The following ARMC2 variants were observed in gnomAD, a reference collection of about 807,000 sequenced individuals.
ARMC2 encodes armadillo repeat-containing protein 2.
A neutral mutation model predicts 90.3 loss-of-function variants in ARMC2; 67 were observed. The ratio of observed to expected loss-of-function variants is 0.74; its 90% confidence interval spans 0.61 to 0.91. The LOEUF is 0.91. ARMC2 is among the 40% of genes least tolerant of loss of function. The pLI is 0.00. For synonymous variants in ARMC2, 393 were observed against 393.0 expected, an observed-to-expected ratio of 1.00 and a Z score of 0.00; for missense variants, 920 against 1,030.9, an observed-to-expected ratio of 0.89 and a Z score of 1.47.
rs566091367 is a variant in ARMC2, at chr6:108,859,308, A to G, written c.291+1037A>G. Among the ~76,000 whole-genome samples, 7 of 152,140 alleles carry G rather than the reference A, an allele frequency of 4.6e-5. No homozygotes were observed. In the South Asian group the frequency reaches 1.5e-3, roughly 32 times the overall value. ...CAGCTCTCCTGGGGTGCCCCTCACC[A>G]TCCTCCTGGGGAGACGGCTTCTCCT... On this transcript the variant is annotated intron_variant, in intron 3 of 17. Transcript: ENST00000392644.
chr6:109,016,151 C>T, the ARMC2 span, among the ~76,000 whole-genome samples: 1 of 152,292 alleles, frequency 6.6e-6, no homozygotes, highest in Admixed American at 6.5e-5. Context: ...ATTAATGAGT[C>T]ATTAGCTTAA....
rs1036471322 is a variant in ARMC2, at chr6:108,974,226, C to T, written c.*712C>T. The T allele has an allele frequency of 3.3e-5, 5 of 152,178 alleles. No homozygotes were observed. The highest frequency in any genetic ancestry group is 1.2e-4 in the African/African-American group (5 of 41,422). 9.4% of individuals were successfully genotyped at this position (152,178 alleles called of 1,614,324 possible). A position where few individuals can be genotyped will look rare whatever the true frequency, so the allele number is the denominator to read the frequency against. Reference sequence around the variant, plus strand: ...GTGAATGGTATACCTGAATCTGAATCCATGCTCTCCCCTGCTAGCTTTGTG... The same window carrying T: ...GTGAATGGTATACCTGAATCTGAATTCATGCTCTCCCCTGCTAGCTTTGTG... On this transcript the variant is annotated 3_prime_UTR_variant, in exon 18 of 18. Coordinates refer to ENST00000392644, the MANE Select transcript of ARMC2 (RefSeq NM_032131.6).
chr6:108,932,945 A>G (rs1775694948), intron 11 of ARMC2, among the ~76,000 whole-genome samples: 1 of 152,144 alleles, frequency 6.6e-6, no homozygotes, highest in East Asian at 1.9e-4. Flanking sequence ...TACCAGTACC[A>G]TGCTGTTTTG....
chr6:108,922,755 G>T (rs928931453), intron 10 of ARMC2, among the ~76,000 whole-genome samples: 6 of 152,196 alleles, frequency 3.9e-5, no homozygotes, highest in African/African-American at 1.4e-4. Flanking sequence ...CTGACTGAGG[G>T]TGGTACCTGT....
intron 13 of ARMC2, among the ~76,000 whole-genome samples, chr6:108,961,303 A>C (rs939329761): frequency 6.6e-6 from 1 of 152,180 alleles, no homozygotes; most frequent in African/African-American, 2.4e-5. Context: ...CAGGTCCCAG[A>C]TCAGCTGGAC....
intron 8 of ARMC2, among the ~76,000 whole-genome samples, chr6:108,906,323 C>G (rs1246330190): frequency 6.6e-6 from 1 of 151,976 alleles, no homozygotes; most frequent in Non-Finnish European, 1.5e-5. Flanking sequence ...TACCAATTAC[C>G]AACTGTGATG....
At chr6:108,869,102 A>G (rs572104744) in intron 4 of ARMC2, 107 bp downstream of exon 4, 10 of 1,191,796 alleles carry the variant, frequency 8.4e-6, no homozygotes, top group Non-Finnish European at 1.1e-5. Flanking sequence ...TGATTTTTAT[A>G]TTAACTAAGA....
At chr6:108,932,807 C>A (rs910366346) in intron 11 of ARMC2, among the ~76,000 whole-genome samples, 1 of 152,054 alleles carries the variant, frequency 6.6e-6, no homozygotes, top group African/African-American at 2.4e-5. Flanking sequence ...GGATTACAGG[C>A]GTGAGCCACT....
intron 3 of ARMC2, among the ~76,000 whole-genome samples, chr6:108,858,501 T>A (rs1001771929): frequency 1.3e-5 from 2 of 151,944 alleles, no homozygotes; most frequent in African/African-American, 4.8e-5. Flanking sequence ...GAAGAATTTT[T>A]AAAATATATA....
the ARMC2 span, among the ~76,000 whole-genome samples, chr6:109,009,917 G>A: frequency 1.7e-4 from 26 of 152,030 alleles, no homozygotes; most frequent in Non-Finnish European, 3.4e-4. Flanking sequence ...CCTCGAGACT[G>A]ATTCTGACAG....
At position 108,953,045 on chromosome 6, in the gene ARMC2, C is replaced by A. The variant is rs773911119; in HGVS notation, c.1609C>A (p.Arg537Ser). The change falls in exon 13 of 18, where the codon CGT (arginine) becomes AGT (serine). Residue 537 changes from arginine (R) to serine (S), a missense_variant. Physicochemically the swap from Arg to Ser is moderately radical, Grantham distance 110. Transcript: ENST00000392644. ...TCGTTTATTGCAGGATTTAGTCGTC[C>A]GTGTTGTTTTTATTCTTGGCAACCT... ...KYQKKQDLVV[R>S]VVFILGNLTA... The A allele has an allele frequency of 6.2e-7, 1 of 1,609,364 alleles. No homozygotes were observed. Among genetic ancestry groups the A allele is most frequent in the Non-Finnish European group, 8.5e-7 (1 of 1,177,496 alleles).
At chr6:108,937,833 T>C (rs1361476436) in intron 12 of ARMC2, among the ~76,000 whole-genome samples, 1 of 152,148 alleles carries the variant, frequency 6.6e-6, no homozygotes, top group Non-Finnish European at 1.5e-5. Context: ...TAGCTGGGAC[T>C]ACAGGCGTGC....
At chr6:108,932,364 G>C (rs1480322226) in intron 11 of ARMC2, among the ~76,000 whole-genome samples, 1 of 151,644 alleles carries the variant, frequency 6.6e-6, no homozygotes, top group Non-Finnish European at 1.5e-5. Flanking sequence ...GGTCTTCATA[G>C]TTTTGGGTTT....
At chr6:108,981,564 C>T in the ARMC2 span, among the ~76,000 whole-genome samples, 2 of 152,052 alleles carry the variant, frequency 1.3e-5, no homozygotes, top group African/African-American at 4.8e-5. Flanking sequence ...TAAGTGGAGC[C>T]ATACAATAGT....
At position 108,880,405 on chromosome 6, in the gene ARMC2, T is replaced by C. The variant is rs144525585; in HGVS notation, c.671+4055T>C. 648 of 160,872 alleles carry C rather than the reference T, an allele frequency of 4.0e-3. 3 individuals are homozygous for C. The highest frequency in any genetic ancestry group is 0.014 in the African/African-American group (600 of 41,656). The allele number at this position is 160,872 out of a possible 1,614,324, so 10.0% of individuals were successfully genotyped here. Reference sequence around the variant, plus strand: ...TCCAAGCCAGGCCAGTTGCATTCCTTCATGGGACTTTCACCAAGGCCTTTG... The same window carrying C: ...TCCAAGCCAGGCCAGTTGCATTCCTCCATGGGACTTTCACCAAGGCCTTTG... On this transcript the variant is annotated intron_variant, in intron 5 of 17. Coordinates refer to ENST00000392644, the MANE Select transcript of ARMC2 (RefSeq NM_032131.6).
At chr6:109,005,095 C>G in the ARMC2 span, among the ~76,000 whole-genome samples, 1 of 152,188 alleles carries the variant, frequency 6.6e-6, no homozygotes, top group African/African-American at 2.4e-5. Context: ...GATGTGCTCA[C>G]ATTTGTGAAA....
chr6:109,040,541 C>T, the ARMC2 span, among the ~76,000 whole-genome samples: 1 of 152,004 alleles, frequency 6.6e-6, no homozygotes, highest in Non-Finnish European at 1.5e-5. Flanking sequence ...CAAATTACAT[C>T]AGGTGTCCCA....
chr6:108,907,168 ACT>A (rs1399535325), intron 8 of ARMC2, among the ~76,000 whole-genome samples: 1 of 151,458 alleles, frequency 6.6e-6, no homozygotes, highest in Non-Finnish European at 1.5e-5. Context: ...TTTAATGAAA[ACT>A]CTGATACAAG....
At chr6:108,969,389 A>G (rs115260636) in intron 17 of ARMC2, among the ~76,000 whole-genome samples, 1,577 of 150,282 alleles carry the variant, frequency 0.01, 29 homozygotes, top group African/African-American at 0.037. Flanking sequence ...ATTGTGTTGT[A>G]ATGACCATTG....
Sources: allele counts gnomAD v4.1 joint callset (sites outside exome capture counted in the v4.1 genomes callset), GRCh38; gene constraint gnomAD v4.1.1; transcripts MANE v1.5; gene names NCBI Gene and HGNC (gene_info 2026-07-23, HGNC 2026-07-21).